Variants in TAFA4 observed in about 807,000 individuals in gnomAD.
TAFA4 encodes chemokine-like protein TAFA-4.
A neutral mutation model predicts 21.1 loss-of-function variants in TAFA4; 20 were observed. The ratio of observed to expected loss-of-function variants is 0.95; its 90% CI spans 0.67 to 1.38. The LOEUF (loss-of-function observed/expected upper bound fraction) is 1.38, where lower values mean the gene tolerates loss of function less well. Ranked by LOEUF, TAFA4 falls within the 40% of genes most tolerant of loss-of-function variation. The pLI, the probability that TAFA4 is intolerant of heterozygous loss-of-function variation, is 0.00. For synonymous variants in TAFA4, 71 were observed against 67.4 expected (o/e 1.05, Z -0.26); for missense variants, 211 against 180.9 (o/e 1.17, Z -0.95).
At position 68,739,100 on chromosome 3, in the gene TAFA4, C is replaced by A. The variant is rs1173582905; in HGVS notation, c.386G>T (p.Ser129Ile). ...LPDYSGWSCSSGNKVKTTKVT... is the reference protein window; with the variant it reads ...LPDYSGWSCSIGNKVKTTKVT... Reference sequence around the variant, plus strand: ...CTTCGTAGTTTTGACTTTATTGCCACTGCTACAGGACCAACCTGAGTAATC... The same window carrying A: ...CTTCGTAGTTTTGACTTTATTGCCAATGCTACAGGACCAACCTGAGTAATC... Residue 129 changes from serine to isoleucine, a missense_variant, in exon 5 of 6, where the codon AGT becomes ATT. Coordinates refer to ENST00000295569, the MANE Select transcript of TAFA4 (RefSeq NM_182522.5). 3.1e-6 allele frequency: 5 copies of A among 1,613,776 alleles called. No homozygotes were observed. The highest frequency in any genetic ancestry group is 1.3e-5 in the African/African-American group (1 of 74,900).
chr3:68,742,453 G>A (rs1258610459), intron 4 of TAFA4, among the ~76,000 whole-genome samples: 1 of 145,874 alleles, frequency 6.9e-6, no homozygotes, highest in Non-Finnish European at 1.5e-5. Flanking sequence ...AGAAACTCTA[G>A]TTCAAACAAA....
At chr3:68,898,129 A>G (rs57205000) in intron 1 of TAFA4, among the ~76,000 whole-genome samples, 30,782 of 152,078 alleles carry the variant, frequency 0.2, 3,745 homozygotes, top group East Asian at 0.5. Context: ...GAGATGGGAA[A>G]GGACCCCAAG....
intron 3 of TAFA4, among the ~76,000 whole-genome samples, chr3:68,851,299 T>G (rs111432247): frequency 0.018 from 2,798 of 152,006 alleles, 89 homozygotes; most frequent in African/African-American, 0.064. Flanking sequence ...TGAAATTACA[T>G]GGACATAGGG....
chr3:68,779,665 T>C (rs946895400), intron 3 of TAFA4, among the ~76,000 whole-genome samples: 2 of 152,132 alleles, frequency 1.3e-5, no homozygotes, highest in African/African-American at 4.8e-5. Context: ...AAGTCAAGAA[T>C]TGAGGTTTGA....
At position 68,766,550 on chromosome 3, in the gene TAFA4, TA is replaced by T. The variant is rs35448199; in HGVS notation, c.131-13533del. Among the ~76,000 whole-genome samples the T allele has an allele frequency of 7.1e-3, 1,058 of 148,522 alleles. 10 individuals are homozygous for T. Among genetic ancestry groups the T allele is most frequent in the East Asian group, 0.042 (214 of 5,056 alleles). On this transcript the variant is annotated intron_variant, in intron 3 of 5. Coordinates refer to ENST00000295569, the MANE Select transcript of TAFA4 (RefSeq NM_182522.5). ...TTTAATAGCTAAAATCAATTTTTCCTAAAAAAAAAACTCAGAAAATTCCAAA... is the reference window on the plus strand; with the variant it reads ...TTTAATAGCTAAAATCAATTTTTCCTAAAAAAAAACTCAGAAAATTCCAAA...
At chr3:68,926,549 A>C in intron 1 of TAFA4, among the ~76,000 whole-genome samples, 1 of 152,154 alleles carries the variant, frequency 6.6e-6, no homozygotes, top group Middle Eastern at 3.2e-3. Flanking sequence ...ACTTTTCACT[A>C]CTCTGGACCT....
chr3:68,929,121 G>T (rs1219476332), intron 1 of TAFA4, among the ~76,000 whole-genome samples: 1 of 152,090 alleles, frequency 6.6e-6, no homozygotes, highest in Non-Finnish European at 1.5e-5. Flanking sequence ...TATCTTTTGA[G>T]AGGTGGGTTA....
At chr3:68,871,786 A>G (rs2089485662) in intron 3 of TAFA4, among the ~76,000 whole-genome samples, 2 of 152,190 alleles carry the variant, frequency 1.3e-5, no homozygotes, top group African/African-American at 2.4e-5. Flanking sequence ...AATGACCAAC[A>G]GGTATATGAA....
intron 1 of TAFA4, among the ~76,000 whole-genome samples, chr3:68,886,610 TA>T (rs1184453510): frequency 3.3e-5 from 5 of 152,214 alleles, no homozygotes; most frequent in African/African-American, 1.2e-4. Context: ...TTCAATTCAT[TA>T]AAAAAATAGA....
intron 5 of TAFA4, among the ~76,000 whole-genome samples, chr3:68,736,408 G>A (rs1432770471): frequency 6.6e-6 from 1 of 152,026 alleles, no homozygotes; most frequent in Non-Finnish European, 1.5e-5. Flanking sequence ...AACTAGTTAG[G>A]GAATTATCCT....
chr3:68,752,843 G>C lies in TAFA4; in HGVS notation c.286+20C>G. On this transcript the variant is annotated intron_variant, in intron 4 of 5. Coordinates refer to ENST00000295569, the MANE Select transcript of TAFA4 (RefSeq NM_182522.5). ...TTGGCCTTTTTGAAATACCAGAGAT[G>C]CTGACCAGAGAGGTCTTACCTTCAA... 1 of 1,614,002 alleles carries C rather than the reference G, an allele frequency of 6.2e-7. No individual in the cohort carries two copies. Among genetic ancestry groups the C allele is most frequent in the Non-Finnish European group, 8.5e-7 (1 of 1,179,970 alleles).
chr3:68,918,799 C>T (rs537395421), intron 1 of TAFA4, among the ~76,000 whole-genome samples: 1 of 152,294 alleles, frequency 6.6e-6, no homozygotes, highest in African/African-American at 2.4e-5. Context: ...CTTTGGCCTC[C>T]CAAAGTGCTG....
rs571694715 is a variant in TAFA4, at chr3:68,834,062, C to T, written c.130+46668G>A. ...CACCCTGACTTCTCTCCCCAAACCT[C>T]AGGAGCCCCTCCGTAAAGTAAGAGG... On this transcript the variant is annotated intron_variant, in intron 3 of 5. Coordinates refer to ENST00000295569, the MANE Select transcript of TAFA4 (RefSeq NM_182522.5). 3.3e-5 allele frequency among the ~76,000 whole-genome samples: 5 copies of T among 152,316 alleles called. No individual in the cohort carries two copies. In the East Asian group the frequency reaches 9.6e-4, roughly 29 times the overall value.
intron 3 of TAFA4, among the ~76,000 whole-genome samples, chr3:68,823,801 C>T (rs563069970): frequency 1.3e-5 from 2 of 152,168 alleles, no homozygotes; most frequent in Non-Finnish European, 2.9e-5. Context: ...TTTATGGCTG[C>T]ATAGTATGCC....
intron 3 of TAFA4, among the ~76,000 whole-genome samples, chr3:68,825,970 T>A (rs1328062286): frequency 1.3e-5 from 2 of 152,136 alleles, no homozygotes; most frequent in East Asian, 3.9e-4. Context: ...AGGTTTTTCA[T>A]AATAAAAGAA....
intron 3 of TAFA4, among the ~76,000 whole-genome samples, chr3:68,869,529 C>T (rs1266044664): frequency 2.0e-5 from 3 of 152,022 alleles, no homozygotes; most frequent in Admixed American, 6.6e-5. Context: ...TAATCAATGT[C>T]ATCCCAGGGA....
intron 4 of TAFA4, among the ~76,000 whole-genome samples, chr3:68,750,771 TAA>T (rs1178189194): frequency 1.3e-5 from 2 of 152,200 alleles, no homozygotes; most frequent in Non-Finnish European, 2.9e-5. Flanking sequence ...TTAGACAATA[TAA>T]AAAGAGTTTG....
chr3:68,806,036 T>A (rs1457383904), intron 3 of TAFA4, among the ~76,000 whole-genome samples: 1 of 151,882 alleles, frequency 6.6e-6, no homozygotes, highest in African/African-American at 2.4e-5. Context: ...AGAAAATAAC[T>A]CAAAAACAAC....
chr3:68,759,499 A>G (rs1307236057), intron 3 of TAFA4, among the ~76,000 whole-genome samples: 1 of 152,222 alleles, frequency 6.6e-6, no homozygotes. Flanking sequence ...CTAAAAAGGT[A>G]CAGGGGGGAT....
Sources: gnomAD v4.1 joint callset for allele counts (sites outside exome capture counted in the v4.1 genomes callset) on GRCh38, gnomAD v4.1.1 for gene constraint, MANE v1.5 for transcripts, NCBI Gene and HGNC (gene_info 2026-07-23, HGNC 2026-07-21) for gene names.